The following PAH variants were observed in gnomAD, a reference collection of about 807,000 sequenced individuals.
The protein encoded by PAH is phenylalanine-4-hydroxylase.
A neutral mutation model predicts 62.0 loss-of-function variants in PAH; 64 were observed. That is an observed-to-expected ratio of 1.03 (90% CI 0.84 to 1.27). PAH has a LOEUF of 1.27. Ranked by LOEUF, PAH falls within the 50% of genes most tolerant of loss-of-function variation. The pLI is 0.00. For missense variants in PAH, 579 were observed against 542.8 expected, an observed-to-expected ratio of 1.07 and a Z score of -0.66; for synonymous variants, 195 against 196.2, an observed-to-expected ratio of 0.99 and a Z score of 0.05.
chr12:102,958,274 C>T (rs751356167), exon 1 of PAH: 125 of 1,474,122 alleles, frequency 8.5e-5, no homozygotes, highest in Non-Finnish European at 1.0e-4. Context: ...TGGAGAGCGG[C>T]GGCGCCGGCC....
At chr12:102,886,888 G>A (rs574009548) in intron 3 of PAH, among the ~76,000 whole-genome samples, 11 of 152,164 alleles carry the variant, frequency 7.2e-5, no homozygotes, top group East Asian at 3.9e-4. Flanking sequence ...AATCAATATC[G>A]GTAGCATAAA....
At chr12:102,847,296 C>T in intron 8 of PAH, 1 of 347,640 alleles carries the variant, frequency 2.9e-6, no homozygotes, top group Non-Finnish European at 5.5e-6. Flanking sequence ...GCAGAATATT[C>T]CTGGAATGTT....
chr12:102,856,550 G>A (rs913361562), intron 5 of PAH, among the ~76,000 whole-genome samples: 3 of 152,220 alleles, frequency 2.0e-5, no homozygotes, highest in Admixed American at 6.5e-5. Context: ...GTGAGTCCCT[G>A]ACCCCCGAGT....
intron 9 of PAH, among the ~76,000 whole-genome samples, chr12:102,845,435 G>A (rs1313160640): frequency 6.6e-6 from 1 of 152,212 alleles, no homozygotes; most frequent in African/African-American, 2.4e-5. Context: ...TAGAATCAGT[G>A]AGGAGAATGT....
In PAH at chr12:102,843,877, C is replaced by G; in HGVS notation, c.1066-98G>C. 3 of 1,327,542 alleles carry G rather than the reference C, an allele frequency of 2.3e-6. No homozygotes were observed. The South Asian group carries it at 3.5e-5, about 16-fold the overall frequency. 82.2% of individuals were successfully genotyped at this position (1,327,542 alleles called of 1,614,324 possible). A position where few individuals can be genotyped will look rare whatever the true frequency, so the allele number is the denominator to read the frequency against. On this transcript the variant is annotated intron_variant, in intron 10 of 12. Coordinates refer to ENST00000553106, the MANE Select transcript of PAH (RefSeq NM_000277.3). The stretch of plus-strand genomic sequence containing the variant: ...CATTTGTGCCCCTTCTCTCATCTCA[C>G]CCCGATTCCTTCTACATCACAGCCC...
At chr12:102,932,492 A>C (rs17547025) in intron 1 of PAH, among the ~76,000 whole-genome samples, 23,633 of 152,242 alleles carry the variant, frequency 0.16, 1,925 homozygotes, top group African/African-American at 0.18. Context: ...AGCCCATGCC[A>C]AGGAATAAAT....
chr12:102,941,695 A>G (rs1202650287), intron 1 of PAH, among the ~76,000 whole-genome samples: 1 of 152,154 alleles, frequency 6.6e-6, no homozygotes, highest in Non-Finnish European at 1.5e-5. Flanking sequence ...AAAACCACAC[A>G]AAAATAGCAG....
chr12:102,840,924 C>T (rs1431411334), intron 11 of PAH, among the ~76,000 whole-genome samples: 1 of 152,128 alleles, frequency 6.6e-6, no homozygotes, highest in East Asian at 1.9e-4. Flanking sequence ...AAATAGCTCT[C>T]AAGTGGTGAA....
intron 4 of PAH, chr12:102,877,092 C>A (rs1876599157): frequency 2.8e-6 from 1 of 354,264 alleles, no homozygotes; most frequent in Non-Finnish European, 5.5e-6. Context: ...CTGCCCCCTG[C>A]AGTTGGCAGA....
At chr12:102,926,502 G>GC (rs1878688180) in intron 1 of PAH, among the ~76,000 whole-genome samples, 1 of 151,964 alleles carries the variant, frequency 6.6e-6, no homozygotes, top group African/African-American at 2.4e-5. Context: ...CTGGTTCATA[G>GC]CCAGTTGTGA....
At chr12:102,930,797 A>C (rs935105073) in intron 1 of PAH, among the ~76,000 whole-genome samples, 1 of 152,138 alleles carries the variant, frequency 6.6e-6, no homozygotes, top group Non-Finnish European at 1.5e-5. Flanking sequence ...TTTCTTCCCC[A>C]TTTCTGTGGA....
chr12:102,846,240 T>G (rs956050271), intron 9 of PAH, among the ~76,000 whole-genome samples: 2 of 152,214 alleles, frequency 1.3e-5, no homozygotes, highest in African/African-American at 4.8e-5. Flanking sequence ...GTTCATAAGC[T>G]TCTAAACTGA....
chr12:102,864,125 G>A (rs748060693), intron 5 of PAH, among the ~76,000 whole-genome samples: 10 of 152,240 alleles, frequency 6.6e-5, no homozygotes, highest in South Asian at 2.1e-4. Context: ...ACACAACTCC[G>A]TTAGATGATG....
intron 1 of PAH, among the ~76,000 whole-genome samples, chr12:102,923,909 G>A (rs1214844788): frequency 2.0e-5 from 3 of 152,144 alleles, no homozygotes; most frequent in South Asian, 2.1e-4. Context: ...CCTGCCAATG[G>A]TGGAGTCCAG....
rs142980346 is a variant in PAH, at chr12:102,843,072, T to C, written c.1199+574A>G. Among the ~76,000 whole-genome samples, 360 of 152,268 alleles carry C rather than the reference T, an allele frequency of 2.4e-3. 1 individual carries two copies. Among genetic ancestry groups the C allele is most frequent in the African/African-American group, 8.3e-3 (343 of 41,544 alleles). ...GATTAATGCCTTCACCAATTATTTA[T>C]TGAGTGCTTACTCTGTGTCAGGTAT... On this transcript the variant is annotated intron_variant, in intron 11 of 12. Transcript: ENST00000553106.
rs530561073 is a variant in PAH, at chr12:102,846,330, G to A, written c.969+565C>T. 2.0e-3 allele frequency among the ~76,000 whole-genome samples: 301 copies of A among 152,272 alleles called. 1 individual carries two copies. The highest frequency in any genetic ancestry group is 6.9e-3 in the African/African-American group (287 of 41,534). ...GTTTATTTTTCAACTTCCAGGACAG[G>A]CAATGTGGCTAGTGGCTGGGGTGGG... On this transcript the variant is annotated intron_variant, in intron 9 of 12. Coordinates refer to ENST00000553106, the MANE Select transcript of PAH (RefSeq NM_000277.3).
At chr12:102,909,974 T>C (rs1878138771) in intron 2 of PAH, among the ~76,000 whole-genome samples, 1 of 152,058 alleles carries the variant, frequency 6.6e-6, no homozygotes, top group African/African-American at 2.4e-5. Context: ...ACAAAATTAA[T>C]TGGCTCAAAA....
chr12:102,939,421 G>C (rs1458920568), intron 1 of PAH, among the ~76,000 whole-genome samples: 1 of 152,144 alleles, frequency 6.6e-6, no homozygotes. Context: ...CAACACAGCT[G>C]TCCCACCTTC....
At chr12:102,902,292 C>T (rs1233722538) in intron 2 of PAH, among the ~76,000 whole-genome samples, 3 of 152,122 alleles carry the variant, frequency 2.0e-5, no homozygotes, top group Admixed American at 6.5e-5. Flanking sequence ...GAGAAGTTAC[C>T]AGGAATAGAT....
Sources: allele counts gnomAD v4.1 joint callset (sites outside exome capture counted in the v4.1 genomes callset), GRCh38; gene constraint gnomAD v4.1.1; transcripts MANE v1.5; gene names NCBI Gene and HGNC (gene_info 2026-07-23, HGNC 2026-07-21).